Variants in SPATA16 observed in about 807,000 individuals in gnomAD.
The protein encoded by SPATA16 is spermatogenesis-associated protein 16.
In SPATA16, 36 loss-of-function variants were observed where a neutral mutation model predicts 63.3. The ratio of observed to expected loss-of-function variants is 0.57; its 90% CI spans 0.44 to 0.75. The LOEUF is 0.75. Ranked by LOEUF, SPATA16 falls within the 30% of genes least tolerant of loss-of-function variation. The pLI, the probability that SPATA16 is intolerant of heterozygous loss-of-function variation, is 0.00. For synonymous variants in SPATA16, 203 were observed against 216.7 expected, an observed-to-expected ratio of 0.94 and a Z score of 0.56; for missense variants, 646 against 679.3, an observed-to-expected ratio of 0.95 and a Z score of 0.54.
chr3:172,906,575 A>G (rs923149773), intron 10 of SPATA16, among the ~76,000 whole-genome samples: 1 of 84,606 alleles, frequency 1.2e-5, no homozygotes, highest in Non-Finnish European at 3.0e-5. Context: ...TGAATGTTCA[A>G]CTACAGACAA....
rs79543079 is a variant in SPATA16 at position 173,133,604 on chromosome 3, A to C, written c.-19+7499T>G. On this transcript the variant is annotated intron_variant, in intron 1 of 10. Transcript: ENST00000351008. ...GTGTCCCCTCATCCCTAAGGATGCT[A>C]TAGGGAACTAAGGAGAAGACAGCAC... is the stretch of plus-strand genomic sequence containing the variant. Among the ~76,000 whole-genome samples the C allele has an allele frequency of 4.6e-3, 698 of 152,270 alleles. 3 individuals are homozygous for C. Among genetic ancestry groups the C allele is most frequent in the African/African-American group, 0.016 (670 of 41,556 alleles).
At chr3:173,097,584 A>C (rs1025888515) in intron 2 of SPATA16, among the ~76,000 whole-genome samples, 1 of 152,176 alleles carries the variant, frequency 6.6e-6, no homozygotes, top group Non-Finnish European at 1.5e-5. Flanking sequence ...TGAACAGAAA[A>C]TGTGTTCTGA....
chr3:173,074,166 G>A (rs185217866), intron 2 of SPATA16, among the ~76,000 whole-genome samples: 9 of 152,340 alleles, frequency 5.9e-5, no homozygotes, highest in African/African-American at 2.2e-4. Flanking sequence ...AGGCTCATAG[G>A]TGGAAGGGGC....
At chr3:172,910,092 C>CT (rs35827342) in intron 10 of SPATA16, among the ~76,000 whole-genome samples, 2,755 of 127,106 alleles carry the variant, frequency 0.022, 38 homozygotes, top group Non-Finnish European at 0.027. Flanking sequence ...ACAGCAAATG[C>CT]TTTTTTTTTT....
At chr3:172,949,481 A>T (rs1366105262) in intron 6 of SPATA16, among the ~76,000 whole-genome samples, 1 of 152,184 alleles carries the variant, frequency 6.6e-6, no homozygotes, top group African/African-American at 2.4e-5. Context: ...TTAAATTCTC[A>T]ATTTAAAATT....
At chr3:173,015,482 T>C (rs761517702) in intron 4 of SPATA16, among the ~76,000 whole-genome samples, 1 of 152,240 alleles carries the variant, frequency 6.6e-6, no homozygotes, top group Non-Finnish European at 1.5e-5. Context: ...TGCAATGTTA[T>C]ATGGTTTTTT....
At chr3:172,967,723 G>A (rs905921672) in intron 5 of SPATA16, among the ~76,000 whole-genome samples, 1 of 152,172 alleles carries the variant, frequency 6.6e-6, no homozygotes, top group Non-Finnish European at 1.5e-5. Context: ...TCTCATAGGA[G>A]CACGAACCCT....
intron 4 of SPATA16, among the ~76,000 whole-genome samples, chr3:173,017,148 G>C (rs1735208939): frequency 6.6e-6 from 1 of 152,088 alleles, no homozygotes; most frequent in Non-Finnish European, 1.5e-5. Context: ...ACCTTATACT[G>C]TATATTGAAG....
At chr3:172,974,885 C>T (rs1909514) in intron 5 of SPATA16, among the ~76,000 whole-genome samples, 146,066 of 152,220 alleles carry the variant, frequency 0.96, 70,135 homozygotes, top group East Asian at 1. Context: ...TTAGAACTTA[C>T]GCCAAATCAG....
rs1733707765 is a variant in SPATA16, at chr3:172,959,816, A to ATG, written c.934-2993_934-2992insCA. ...TATATATATATATATATATATATATATATTTAGCATTATTGGTATTGAATG... is the reference window on the plus strand; with the variant it reads ...TATATATATATATATATATATATATATGTATTTAGCATTATTGGTATTGAATG... On this transcript the variant is annotated intron_variant, in intron 5 of 10. Coordinates refer to ENST00000351008, the MANE Select transcript of SPATA16 (RefSeq NM_031955.6). Among the ~76,000 whole-genome samples the ATG allele has an allele frequency of 3.7e-5, 5 of 134,038 alleles. No individual in the cohort carries two copies. In the South Asian group the frequency reaches 1.2e-3, roughly 31 times the overall value. The allele number at this position is 134,038 out of a possible 152,430, so 87.9% of individuals were successfully genotyped here.
intron 2 of SPATA16, among the ~76,000 whole-genome samples, chr3:173,072,414 C>A (rs537714006): frequency 1.3e-5 from 2 of 152,234 alleles, no homozygotes; most frequent in South Asian, 4.2e-4. Context: ...TGTCCCCACC[C>A]AAATCTCATC....
At chr3:173,011,803 A>G (rs939305407) in intron 4 of SPATA16, among the ~76,000 whole-genome samples, 1 of 152,098 alleles carries the variant, frequency 6.6e-6, no homozygotes, top group Non-Finnish European at 1.5e-5. Flanking sequence ...CTTTTTATTT[A>G]TTTATTGATG....
intron 2 of SPATA16, among the ~76,000 whole-genome samples, chr3:173,080,853 T>C (rs1372240426): frequency 5.3e-5 from 8 of 152,166 alleles, no homozygotes; most frequent in Non-Finnish European, 1.0e-4. Flanking sequence ...TGCATACATA[T>C]GCTTGATGTC....
intron 2 of SPATA16, among the ~76,000 whole-genome samples, chr3:173,087,949 C>T (rs1464196231): frequency 6.6e-6 from 1 of 151,716 alleles, no homozygotes; most frequent in Non-Finnish European, 1.5e-5. Context: ...TCTGGTTGCC[C>T]TTAATATTTT....
intron 4 of SPATA16, among the ~76,000 whole-genome samples, chr3:172,988,407 T>C (rs1221392060): frequency 6.6e-6 from 1 of 152,336 alleles, no homozygotes; most frequent in East Asian, 1.9e-4. Flanking sequence ...GTAGCTATAC[T>C]GTGTAGTACG....
intron 4 of SPATA16, among the ~76,000 whole-genome samples, chr3:173,011,042 T>TC (rs1735061150): frequency 6.7e-6 from 1 of 148,694 alleles, no homozygotes; most frequent in Admixed American, 6.7e-5. Context: ...CTAAAACTAT[T>TC]CCAAAAAAAA....
At chr3:172,985,967 C>G (rs1560088595) in intron 4 of SPATA16, among the ~76,000 whole-genome samples, 2 of 152,312 alleles carry the variant, frequency 1.3e-5, no homozygotes, top group South Asian at 2.1e-4. Context: ...GTTTAAAAAT[C>G]TCAGCCATTG....
At chr3:173,105,738 A>C (rs1560124726) in intron 2 of SPATA16, among the ~76,000 whole-genome samples, 1 of 151,660 alleles carries the variant, frequency 6.6e-6, no homozygotes, top group East Asian at 1.9e-4. Context: ...TAACTCTGCA[A>C]ATTTTCCTTC....
chr3:172,913,980 G>A (rs1046882639), intron 9 of SPATA16, among the ~76,000 whole-genome samples: 1 of 152,090 alleles, frequency 6.6e-6, no homozygotes, highest in Non-Finnish European at 1.5e-5. Flanking sequence ...AAACATATAG[G>A]TTTTAATGTA....
Sources: gnomAD v4.1 joint callset for allele counts (sites outside exome capture counted in the v4.1 genomes callset) on GRCh38, gnomAD v4.1.1 for gene constraint, MANE v1.5 for transcripts, NCBI Gene and HGNC (gene_info 2026-07-23, HGNC 2026-07-21) for gene names.